DIAPH3: variants seen among roughly 807,000 people sequenced by gnomAD.
DIAPH3 encodes the protein diaphanous related formin 3, also known as protein diaphanous homolog 3.
Under a neutral mutation model 144.3 loss-of-function variants are expected in DIAPH3, and 117 were observed. The ratio of observed to expected loss-of-function variants is 0.81; its 90% confidence interval spans 0.70 to 0.95. The LOEUF (loss-of-function observed/expected upper bound fraction) is 0.95, where lower values mean the gene tolerates loss of function less well. Among genes scored for constraint, DIAPH3 ranks in the 40% least tolerant of loss-of-function variants. DIAPH3 has a pLI of 0.00. For missense variants in DIAPH3, 1,421 were observed against 1,412.7 expected (o/e 1.01, Z -0.09); for synonymous variants, 519 against 488.9 (o/e 1.06, Z -0.81).
At chr13:60,084,089 A>T (rs1204750474) in intron 4 of DIAPH3, among the ~76,000 whole-genome samples, 1 of 152,118 alleles carries the variant, frequency 6.6e-6, no homozygotes, top group African/African-American at 2.4e-5. Context: ...CCGCAGAGGC[A>T]CTTTTGAGTG....
At chr13:59,885,749 G>A (rs2140095569) in intron 20 of DIAPH3, among the ~76,000 whole-genome samples, 1 of 152,174 alleles carries the variant, frequency 6.6e-6, no homozygotes, top group Middle Eastern at 3.4e-3. Context: ...AAATCATCCT[G>A]GATTTAGGGT....
intron 27 of DIAPH3, among the ~76,000 whole-genome samples, chr13:59,722,351 T>A (rs771279703): frequency 6.6e-6 from 1 of 152,188 alleles, no homozygotes; most frequent in African/African-American, 2.4e-5. Context: ...CTGGTTATGG[T>A]GGACTGACAT....
chr13:60,137,410 T>A (rs1033890180), intron 1 of DIAPH3, among the ~76,000 whole-genome samples: 2 of 152,152 alleles, frequency 1.3e-5, no homozygotes, highest in Non-Finnish European at 1.5e-5. Context: ...TGAAATAGTT[T>A]CCCCACTAAC....
intron 20 of DIAPH3, among the ~76,000 whole-genome samples, chr13:59,904,825 A>G (rs1283388649): frequency 6.6e-6 from 1 of 152,192 alleles, no homozygotes; most frequent in Non-Finnish European, 1.5e-5. Flanking sequence ...TAGAACATAT[A>G]AGGAGCTCTT....
In DIAPH3 at chr13:59,989,232, TCATAGACGTGTACAC is replaced by T. The variant is rs199991667; in HGVS notation, c.1361+1911_1361+1925del. On this transcript the variant is annotated intron_variant, in intron 12 of 27. Transcript: ENST00000400324. The stretch of plus-strand genomic sequence containing the variant: ...AAGGTAAAAACCAAAAAAACAACAC[TCATAGACGTGTACAC>T]CAACAAGAGTAAGTTTTACTGTATG... Among the ~76,000 whole-genome samples, 135 of 151,676 alleles carry T rather than the reference TCATAGACGTGTACAC, an allele frequency of 8.9e-4. No individual in the cohort carries two copies. The East Asian group carries it at 0.025, about 28-fold the overall frequency.
intron 18 of DIAPH3, 112 bp downstream of exon 18, chr13:59,924,650 AATTTATCATGCAT>A: frequency 5.0e-6 from 7 of 1,412,414 alleles, no homozygotes; most frequent in Non-Finnish European, 6.6e-6. Flanking sequence ...GTTATCTGTG[AATTTATCATGCAT>A]ATAATAACAA....
intron 24 of DIAPH3, 43 bp downstream of exon 24, chr13:59,833,064 T>C (rs762889560): frequency 1.4e-6 from 2 of 1,447,838 alleles, no homozygotes; most frequent in Non-Finnish European, 1.9e-6. Flanking sequence ...GATAAGATAG[T>C]ATAAATAAAA....
chr13:60,162,809 T>TCACACTCACA (rs1555388531), intron 1 of DIAPH3, among the ~76,000 whole-genome samples: 1 of 122,424 alleles, frequency 8.2e-6, no homozygotes, highest in East Asian at 2.5e-4. Flanking sequence ...TCTCTCTCTC[T>TCACACTCACA]CACACACACA....
At chr13:59,751,188 C>T (rs773733185) in intron 27 of DIAPH3, among the ~76,000 whole-genome samples, 36 of 152,196 alleles carry the variant, frequency 2.4e-4, no homozygotes, top group South Asian at 2.1e-4. Flanking sequence ...GCTATGGCAA[C>T]GGGAGTTGCC....
chr13:59,712,617 C>T (rs1199902796), intron 27 of DIAPH3, among the ~76,000 whole-genome samples: 1 of 152,232 alleles, frequency 6.6e-6, no homozygotes, highest in South Asian at 2.1e-4. Flanking sequence ...TTATTCAGCT[C>T]TCACTTAAAT....
At chr13:60,114,286 C>A (rs1283147403) in intron 2 of DIAPH3, among the ~76,000 whole-genome samples, 3 of 143,368 alleles carry the variant, frequency 2.1e-5, no homozygotes, top group South Asian at 2.2e-4. Context: ...AAAAAAAACA[C>A]GGATGAATTA....
chr13:59,787,189 A>AT (rs138311707), intron 25 of DIAPH3, among the ~76,000 whole-genome samples: 184 of 152,338 alleles, frequency 1.2e-3, no homozygotes, highest in African/African-American at 4.4e-3. Context: ...TAAAGGTGGC[A>AT]TTTCAAATCA....
At chr13:60,153,432 G>A (rs1340041070) in intron 1 of DIAPH3, 1 of 151,944 alleles carries the variant, frequency 6.6e-6, no homozygotes, top group African/African-American at 2.4e-5. Context: ...ACATCCTCAA[G>A]CCAACACCTA....
chr13:60,091,498 A>G (rs1394110357), intron 4 of DIAPH3, among the ~76,000 whole-genome samples: 3 of 152,068 alleles, frequency 2.0e-5, no homozygotes, highest in South Asian at 2.1e-4. Flanking sequence ...GGGTCTTACT[A>G]TGTTGCCCAG....
chr13:59,706,282 G>A (rs903331195), intron 27 of DIAPH3, among the ~76,000 whole-genome samples: 4 of 152,064 alleles, frequency 2.6e-5, no homozygotes, highest in South Asian at 2.1e-4. Flanking sequence ...TTGCGGCCAC[G>A]GATGCTGAAC....
chr13:59,958,867 C>CTTTTTTTTT (rs932649097), intron 17 of DIAPH3, among the ~76,000 whole-genome samples: 3 of 94,342 alleles, frequency 3.2e-5, no homozygotes, highest in Non-Finnish European at 2.0e-5. Flanking sequence ...CTTCAATAAA[C>CTTTTTTTTT]TTTTTTTTTT....
chr13:59,692,428 C>T (rs1163324052), intron 27 of DIAPH3, among the ~76,000 whole-genome samples: 2 of 147,216 alleles, frequency 1.4e-5, no homozygotes, highest in Admixed American at 6.9e-5. Context: ...TCCCCCGACA[C>T]CAAATAAGGT....
intron 1 of DIAPH3, among the ~76,000 whole-genome samples, chr13:60,161,466 G>A (rs945384719): frequency 2.6e-4 from 40 of 152,202 alleles, no homozygotes; most frequent in Admixed American, 2.6e-4. Flanking sequence ...CTGGGATACT[G>A]AACTTTAGTA....
intron 1 of DIAPH3, among the ~76,000 whole-genome samples, chr13:60,137,920 C>T (rs185733464): frequency 2.0e-5 from 3 of 151,862 alleles, no homozygotes; most frequent in East Asian, 1.9e-4. Flanking sequence ...GACAGGGTTT[C>T]GCCATGTTGG....
Sources: allele counts gnomAD v4.1 joint callset (sites outside exome capture counted in the v4.1 genomes callset), GRCh38; gene constraint gnomAD v4.1.1; transcripts MANE v1.5; gene names NCBI Gene and HGNC (gene_info 2026-07-23, HGNC 2026-07-21).